The following TANC1 variants were observed in gnomAD, a reference collection of about 807,000 sequenced individuals.
TANC1 encodes protein TANC1.
In TANC1, 77 loss-of-function variants were observed where a neutral mutation model predicts 149.7. The observed-to-expected ratio is 0.51, with a 90% confidence interval of 0.43 to 0.62. The LOEUF (loss-of-function observed/expected upper bound fraction) is 0.62, where lower values mean the gene tolerates loss of function less well. TANC1 is among the 20% of genes least tolerant of loss of function. The pLI is 0.00. For missense variants in TANC1, 1,985 were observed against 2,321.8 expected (o/e 0.85, Z 2.98); for synonymous variants, 854 against 925.0 (o/e 0.92, Z 1.39).
At chr2:158,975,127 T>A (rs2033485398) in intron 1 of TANC1, among the ~76,000 whole-genome samples, 1 of 152,136 alleles carries the variant, frequency 6.6e-6, no homozygotes, top group Non-Finnish European at 1.5e-5. Context: ...TAGTTGTTAT[T>A]CTGTATTGTT....
intron 8 of TANC1, among the ~76,000 whole-genome samples, chr2:159,168,363 G>A (rs541829546): frequency 2.7e-5 from 4 of 145,644 alleles, no homozygotes; most frequent in African/African-American, 2.6e-5. Flanking sequence ...GTAGTGGCAC[G>A]ATCCTGGCTC....
intron 2 of TANC1, among the ~76,000 whole-genome samples, chr2:159,057,137 A>G (rs2041914629): frequency 6.6e-6 from 1 of 151,934 alleles, no homozygotes; most frequent in Admixed American, 6.6e-5. Context: ...TCTGTTGCCC[A>G]GGCTGGTCTC....
At chr2:159,063,966 C>T (rs560781060) in intron 2 of TANC1, among the ~76,000 whole-genome samples, 8 of 152,208 alleles carry the variant, frequency 5.3e-5, no homozygotes, top group East Asian at 3.9e-4. Flanking sequence ...GGTAAACACA[C>T]GGCTCTGGAA....
chr2:158,970,876 G>A (rs532475710), intron 1 of TANC1, among the ~76,000 whole-genome samples: 5 of 152,312 alleles, frequency 3.3e-5, no homozygotes, highest in Non-Finnish European at 5.9e-5. Context: ...TTGGCACCAA[G>A]CCTTTTGGTT....
intron 14 of TANC1, among the ~76,000 whole-genome samples, chr2:159,183,958 TC>T (rs1212667955): frequency 1.3e-5 from 2 of 151,906 alleles, no homozygotes; most frequent in African/African-American, 4.8e-5. Flanking sequence ...CCCCATAGAA[TC>T]CCCCCGTCAG....
intron 17 of TANC1, among the ~76,000 whole-genome samples, chr2:159,195,659 G>A (rs1467698545): frequency 2.0e-5 from 3 of 152,130 alleles, no homozygotes; most frequent in African/African-American, 7.2e-5. Context: ...ATAAACTTCA[G>A]TTCATGGAGA....
At position 159,172,253 on chromosome 2, in the gene TANC1, T is replaced by G; in HGVS notation, c.1484T>G (p.Val495Gly). 6.2e-7 allele frequency: 1 copy of G among 1,614,090 alleles called. No individual in the cohort carries two copies. Among genetic ancestry groups the G allele is most frequent in the Non-Finnish European group, 8.5e-7 (1 of 1,179,952 alleles). ...AACCAGAGACCAAGAGAGGATGCAG[T>G]GAAATATCTTGCTTCTAAGGTAATC... Reference protein sequence around the residue: ...AENQRPREDAVKYLASKVVAY... With the variant: ...AENQRPREDAGKYLASKVVAY... Residue 495 changes from valine (V) to glycine (G), a missense_variant, in exon 11 of 27, where the codon GTG becomes GGG. Physicochemically the swap from Val to Gly is moderately radical, Grantham distance 109 (BLOSUM62 -3). Coordinates refer to ENST00000263635, the MANE Select transcript of TANC1 (RefSeq NM_033394.3).
At chr2:159,042,113 T>G (rs1353834458) in intron 2 of TANC1, among the ~76,000 whole-genome samples, 3 of 152,048 alleles carry the variant, frequency 2.0e-5, no homozygotes, top group Non-Finnish European at 4.4e-5. Context: ...AACCTCCTAT[T>G]CTCCGTTCTC....
chr2:158,983,282 A>G (rs2034587945), intron 1 of TANC1, among the ~76,000 whole-genome samples: 1 of 152,016 alleles, frequency 6.6e-6, no homozygotes, highest in Non-Finnish European at 1.5e-5. Context: ...CTTGGCTAAC[A>G]CAGTGAAACC....
rs1458389017 is a variant in TANC1, at chr2:159,001,622, T to C, written c.-16+433T>C. 1.3e-5 allele frequency among the ~76,000 whole-genome samples: 2 copies of C among 152,210 alleles called. No homozygotes were observed. The highest frequency in any genetic ancestry group is 2.9e-5 in the Non-Finnish European group (2 of 68,038). ...CTGGTTCATTGTCACTTATTAAATA[T>C]TTGAATGTGTGCTGGGGATTTTGTT... On this transcript the variant is annotated intron_variant, in intron 2 of 26. Transcript: ENST00000263635. The surrounding 1 kb of genome is among the most constrained non-coding windows in gnomAD (Gnocchi z 4.3).
At chr2:159,211,073 G>A (rs1044453468) in intron 19 of TANC1, among the ~76,000 whole-genome samples, 1 of 151,918 alleles carries the variant, frequency 6.6e-6, no homozygotes, top group East Asian at 1.9e-4. Flanking sequence ...GTTTCACCAT[G>A]TTGGCCAGGC....
intron 1 of TANC1, among the ~76,000 whole-genome samples, chr2:158,977,838 C>G (rs1256371300): frequency 6.6e-6 from 1 of 152,120 alleles, no homozygotes; most frequent in Non-Finnish European, 1.5e-5. Flanking sequence ...CTCTCCTTGT[C>G]TCTGCTAATA....
chr2:159,195,827 T>C (rs904323256), intron 17 of TANC1, among the ~76,000 whole-genome samples: 1 of 152,176 alleles, frequency 6.6e-6, no homozygotes, highest in Non-Finnish European at 1.5e-5. Flanking sequence ...CTGAGTGCTA[T>C]GTCAGGGGGC....
chr2:159,105,528 G>A (rs1231184159), intron 4 of TANC1, among the ~76,000 whole-genome samples: 1 of 152,164 alleles, frequency 6.6e-6, no homozygotes, highest in Non-Finnish European at 1.5e-5. Context: ...CCTTGGGGTA[G>A]CAGGTTCCCA....
chr2:159,005,077 G>A (rs1443195656), intron 2 of TANC1, among the ~76,000 whole-genome samples: 1 of 152,202 alleles, frequency 6.6e-6, no homozygotes, highest in Non-Finnish European at 1.5e-5. Flanking sequence ...GCTATTGTTT[G>A]TGGTTCAGGA....
At chr2:158,992,303 T>A (rs539203519) in intron 1 of TANC1, among the ~76,000 whole-genome samples, 5 of 151,386 alleles carry the variant, frequency 3.3e-5, no homozygotes, top group South Asian at 4.2e-4. Flanking sequence ...AGGTAGAGGC[T>A]GCAGTGAGCT....
intron 4 of TANC1, among the ~76,000 whole-genome samples, chr2:159,117,951 C>G (rs1399116975): frequency 5.8e-5 from 2 of 34,424 alleles, no homozygotes; most frequent in Non-Finnish European, 1.1e-4. Context: ...TGGAGTTTTT[C>G]TCTACTGGAG....
chr2:158,971,117 G>T (rs1475982092), intron 1 of TANC1, among the ~76,000 whole-genome samples: 2 of 152,186 alleles, frequency 1.3e-5, no homozygotes, highest in Non-Finnish European at 1.5e-5. Context: ...GTGATTGAGG[G>T]CATAATTTTA....
chr2:158,998,587 G>T (rs1364790965), intron 1 of TANC1, among the ~76,000 whole-genome samples: 2 of 152,246 alleles, frequency 1.3e-5, no homozygotes, highest in Non-Finnish European at 2.9e-5. Context: ...ATGTAGGCAT[G>T]CTCCGAGGTG....
Sources: allele counts gnomAD v4.1 joint callset (sites outside exome capture counted in the v4.1 genomes callset), GRCh38; gene constraint gnomAD v4.1.1; non-coding constraint Gnocchi (gnomAD v3.1); transcripts MANE v1.5; gene names NCBI Gene and HGNC (gene_info 2026-07-23, HGNC 2026-07-21).